The following LRRC28 variants were observed in gnomAD, a reference collection of about 807,000 sequenced individuals.
The protein encoded by LRRC28 is leucine-rich repeat-containing protein 28.
In LRRC28, 39 loss-of-function variants were observed where a neutral mutation model predicts 45.7. The observed-to-expected ratio is 0.85, with a 90% confidence interval of 0.66 to 1.12. The LOEUF (loss-of-function observed/expected upper bound fraction) is 1.12. LRRC28 is among the 50% of genes most tolerant of loss of function. LRRC28 has a pLI of 0.00. For synonymous variants in LRRC28, 206 were observed against 178.8 expected, an observed-to-expected ratio of 1.15 and a Z score of -1.22; for missense variants, 435 against 438.5, an observed-to-expected ratio of 0.99 and a Z score of 0.07.
intron 5 of LRRC28, among the ~76,000 whole-genome samples, chr15:99,326,122 A>G (rs180743576): frequency 1.7e-4 from 26 of 152,180 alleles, no homozygotes; most frequent in Non-Finnish European, 4.4e-5. Flanking sequence ...ATTTCTCTCT[A>G]TTCTATAGAG....
At position 99,389,976 on chromosome 15, in the gene LRRC28, G is replaced by A. The variant is rs949223988; in HGVS notation, c.*3874G>A. On this transcript the variant is annotated 3_prime_UTR_variant, in exon 10 of 10. Transcript: ENST00000301981. ...TACTAAAAATACAAAAAATTAGCCA[G>A]GCGTGGTGGCGCGCACCTGCAGTCC... is the stretch of plus-strand genomic sequence containing the variant. The A allele has an allele frequency of 2.6e-5, 4 of 152,340 alleles. No individual in the cohort carries two copies. The highest frequency in any genetic ancestry group is 7.2e-5 in the African/African-American group (3 of 41,438). The allele number at this position is 152,340 out of a possible 1,614,324, so 9.4% of individuals were successfully genotyped here.
At chr15:99,257,315 G>A (rs75540530) in intron 2 of LRRC28, among the ~76,000 whole-genome samples, 14,317 of 152,092 alleles carry the variant, frequency 0.094, 748 homozygotes, top group African/African-American at 0.14. Flanking sequence ...TCATCATCCC[G>A]TGCTATGAAA....
intron 8 of LRRC28, among the ~76,000 whole-genome samples, chr15:99,361,852 C>G (rs1207037929): frequency 6.6e-6 from 1 of 152,114 alleles, no homozygotes; most frequent in Non-Finnish European, 1.5e-5. Context: ...AAGTAAGGAA[C>G]TTGGTGTTTG....
chr15:99,364,069 A>G (rs1479681283), intron 9 of LRRC28, among the ~76,000 whole-genome samples: 1 of 152,184 alleles, frequency 6.6e-6, no homozygotes, highest in Admixed American at 6.5e-5. Flanking sequence ...GCTTGTAGTC[A>G]TGTTAATAGA....
At position 99,386,140 on chromosome 15, in the gene LRRC28, C is replaced by T. The variant is rs374333137; in HGVS notation, c.*38C>T. On this transcript the variant is annotated 3_prime_UTR_variant, in exon 10 of 10. Transcript: ENST00000301981. The stretch of plus-strand genomic sequence containing the variant: ...AACCTCAGGAGCGCTGCCAGCTTGA[C>T]ACTGGGGAATCCAGCCAGTCCAGCA... 67 of 1,532,490 alleles carry T rather than the reference C, an allele frequency of 4.4e-5. No homozygotes were observed. The highest frequency in any genetic ancestry group is 5.7e-5 in the Non-Finnish European group (63 of 1,105,758). 94.9% of individuals were successfully genotyped at this position (1,532,490 alleles called of 1,614,324 possible). A position where few individuals can be genotyped will look rare whatever the true frequency, so the allele number is the denominator to read the frequency against.
intron 5 of LRRC28, among the ~76,000 whole-genome samples, chr15:99,298,174 GCAACTAACACTATAACC>G (rs1465579455): frequency 6.6e-6 from 1 of 152,184 alleles, no homozygotes; most frequent in East Asian, 1.9e-4. Context: ...AGATTTAAAA[GCAACTAACACTATAACC>G]CAAGTGATCC....
At chr15:99,253,293 G>C (rs2080918583) in intron 1 of LRRC28, among the ~76,000 whole-genome samples, 1 of 152,110 alleles carries the variant, frequency 6.6e-6, no homozygotes, top group African/African-American at 2.4e-5. Context: ...GCTAATTTTT[G>C]TATTTTTAGT....
In LRRC28 at chr15:99,251,533, G is replaced by T. The variant is rs1044921087; in HGVS notation, c.-69G>T. On this transcript the variant is annotated 5_prime_UTR_variant, in exon 1 of 10. Transcript: ENST00000301981. Reference sequence around the variant, plus strand: ...TGCGCTCCGGAGCGCTGGCTCTGCTGGCGCTGAGGTGAGTAGAGCTGTCCG... The same window carrying T: ...TGCGCTCCGGAGCGCTGGCTCTGCTTGCGCTGAGGTGAGTAGAGCTGTCCG... The T allele has an allele frequency of 6.6e-6, 1 of 152,232 alleles. No homozygotes were observed. The highest frequency in any genetic ancestry group is 1.5e-5 in the Non-Finnish European group (1 of 68,070). 9.4% of individuals were successfully genotyped at this position (152,232 alleles called of 1,614,324 possible).
intron 3 of LRRC28, among the ~76,000 whole-genome samples, chr15:99,281,017 C>T (rs2081772749): frequency 6.6e-6 from 1 of 150,986 alleles, no homozygotes; most frequent in Non-Finnish European, 1.5e-5. Flanking sequence ...GAAGTTTTCT[C>T]TTTGGTTACT....
At chr15:99,259,913 A>G in intron 2 of LRRC28, 1 of 705,246 alleles carries the variant, frequency 1.4e-6, no homozygotes, top group Non-Finnish European at 2.6e-6. Context: ...ACCTGAGGAG[A>G]CAGCAGAAGA....
At chr15:99,286,573 A>C (rs1318522888) in intron 3 of LRRC28, 3 of 152,184 alleles carry the variant, frequency 2.0e-5, no homozygotes, top group Non-Finnish European at 2.9e-5. Flanking sequence ...TTTTGCTCTG[A>C]ATAGTTGGTT....
rs945127754 is a variant in LRRC28, at chr15:99,325,110, C to T, written c.386-8813C>T. Among the ~76,000 whole-genome samples the T allele has an allele frequency of 2.6e-5, 4 of 152,126 alleles. No homozygotes were observed. The East Asian group carries it at 5.8e-4, about 22-fold the overall frequency. ...TTAGATCTTCTTTAATTTCTCTCAA[C>T]GGTATTTTGCAGTTTGTAGCATATA... On this transcript the variant is annotated intron_variant, in intron 5 of 9. Coordinates refer to ENST00000301981, the MANE Select transcript of LRRC28 (RefSeq NM_144598.5).
intron 5 of LRRC28, among the ~76,000 whole-genome samples, chr15:99,328,072 A>G (rs549086395): frequency 6.6e-6 from 1 of 152,350 alleles, no homozygotes; most frequent in South Asian, 2.1e-4. Context: ...GTCAGAGAAC[A>G]TACTTTGTAT....
chr15:99,302,818 G>T (rs542221071), intron 5 of LRRC28, among the ~76,000 whole-genome samples: 1 of 152,088 alleles, frequency 6.6e-6, no homozygotes, highest in Admixed American at 6.6e-5. Flanking sequence ...ATAACCTCAT[G>T]TTTTAGTAGT....
At chr15:99,251,678 C>T (rs1359446579) in intron 1 of LRRC28, 137 bp downstream of exon 1, 2 of 152,276 alleles carry the variant, frequency 1.3e-5, no homozygotes, top group African/African-American at 2.4e-5. Flanking sequence ...GCCGTCCGGG[C>T]CTCGGGTGGC....
intron 9 of LRRC28, among the ~76,000 whole-genome samples, chr15:99,377,455 T>A (rs956937021): frequency 5.3e-5 from 8 of 152,242 alleles, no homozygotes; most frequent in Non-Finnish European, 1.0e-4. Flanking sequence ...CTTTGCCAGA[T>A]GAGTAGATTG....
chr15:99,342,659 C>G (rs1567679529), intron 6 of LRRC28, among the ~76,000 whole-genome samples: 1 of 152,174 alleles, frequency 6.6e-6, no homozygotes, highest in Admixed American at 6.5e-5. Flanking sequence ...GTGCCCAGCC[C>G]ATTCCTTGTG....
chr15:99,332,559 T>C (rs964493308), intron 5 of LRRC28, among the ~76,000 whole-genome samples: 1 of 152,168 alleles, frequency 6.6e-6, no homozygotes, highest in Admixed American at 6.6e-5. Context: ...ATAGTAAATA[T>C]TTTTAGGTGT....
chr15:99,329,253 T>C (rs762496138), intron 5 of LRRC28, among the ~76,000 whole-genome samples: 5 of 152,242 alleles, frequency 3.3e-5, no homozygotes, highest in Non-Finnish European at 7.3e-5. Flanking sequence ...TTAATTGTAA[T>C]GGTAAAGCCA....
Sources: gnomAD v4.1 joint callset for allele counts (sites outside exome capture counted in the v4.1 genomes callset) on GRCh38, gnomAD v4.1.1 for gene constraint, MANE v1.5 for transcripts, NCBI Gene and HGNC (gene_info 2026-07-23, HGNC 2026-07-21) for gene names.